The following SORCS1 variants were observed in gnomAD, a reference collection of about 807,000 sequenced individuals.
The protein encoded by SORCS1 is VPS10 domain-containing receptor SorCS1.
Under a neutral mutation model 146.1 loss-of-function variants are expected in SORCS1, and 60 were observed. The ratio of observed to expected loss-of-function variants is 0.41; its 90% CI spans 0.33 to 0.51. The LOEUF is 0.51. Ranked by LOEUF, SORCS1 falls within the 20% of genes least tolerant of loss-of-function variation. SORCS1 has a pLI of 0.21. For synonymous variants in SORCS1, 637 were observed against 584.0 expected (o/e 1.09, Z -1.31); for missense variants, 1,352 against 1,487.6 (o/e 0.91, Z 1.50).
At chr10:106,640,664 A>C (rs1181226153) in intron 18 of SORCS1, among the ~76,000 whole-genome samples, 1 of 152,266 alleles carries the variant, frequency 6.6e-6, no homozygotes, top group East Asian at 1.9e-4. Context: ...CTGTGCCTTC[A>C]GGTTCTTGCA....
intron 2 of SORCS1, among the ~76,000 whole-genome samples, chr10:106,886,262 C>G (rs569956667): frequency 2.0e-5 from 3 of 152,096 alleles, no homozygotes; most frequent in Admixed American, 1.3e-4. Context: ...GACTCTGTTT[C>G]AAAACAACAA....
intron 1 of SORCS1, among the ~76,000 whole-genome samples, chr10:107,025,529 T>G (rs1291767880): frequency 6.6e-6 from 1 of 152,224 alleles, no homozygotes; most frequent in Non-Finnish European, 1.5e-5. Flanking sequence ...TGTTTCATGA[T>G]GTTTAGTGTA....
intron 22 of SORCS1, among the ~76,000 whole-genome samples, chr10:106,608,495 C>T (rs1172586887): frequency 1.3e-5 from 2 of 152,144 alleles, no homozygotes; most frequent in Non-Finnish European, 2.9e-5. Flanking sequence ...AGGTCCTCAC[C>T]TAATGTTATA....
At chr10:107,047,157 T>C (rs188227410) in intron 1 of SORCS1, among the ~76,000 whole-genome samples, 1 of 151,904 alleles carries the variant, frequency 6.6e-6, no homozygotes, top group Non-Finnish European at 1.5e-5. Flanking sequence ...CCTGGCTACT[T>C]TTCGTATTTT....
intron 3 of SORCS1, among the ~76,000 whole-genome samples, chr10:106,808,981 A>G (rs908942371): frequency 2.0e-5 from 3 of 152,104 alleles, no homozygotes; most frequent in African/African-American, 7.2e-5. Context: ...AATAACTTCA[A>G]TGTATAAGCC....
chr10:106,634,237 C>T (rs542424075), intron 18 of SORCS1, among the ~76,000 whole-genome samples: 10 of 152,220 alleles, frequency 6.6e-5, no homozygotes, highest in African/African-American at 1.9e-4. Context: ...TCAACTCCGG[C>T]GGGGCTAGGA....
intron 3 of SORCS1, among the ~76,000 whole-genome samples, chr10:106,785,154 C>G (rs1274503334): frequency 1.3e-5 from 2 of 152,286 alleles, no homozygotes; most frequent in East Asian, 3.9e-4. Context: ...TCTCTCTGAG[C>G]TCTCCTTATC....
At chr10:107,087,827 C>G (rs1002577432) in intron 1 of SORCS1, among the ~76,000 whole-genome samples, 1 of 152,248 alleles carries the variant, frequency 6.6e-6, no homozygotes, top group African/African-American at 2.4e-5. Context: ...AGAAATCTTC[C>G]CATAGCTCCT....
chr10:106,765,238 T>A (rs567367084), intron 4 of SORCS1, among the ~76,000 whole-genome samples: 1 of 152,132 alleles, frequency 6.6e-6, no homozygotes, highest in Non-Finnish European at 1.5e-5. Context: ...TACAACTTAA[T>A]GAGCACAAAC....
intron 17 of SORCS1, chr10:106,667,450 T>C (rs187486418): frequency 1.7e-5 from 8 of 477,770 alleles, no homozygotes; most frequent in Middle Eastern, 5.6e-4. Flanking sequence ...AATATCATCA[T>C]TGTGATCTTC....
intron 13 of SORCS1, among the ~76,000 whole-genome samples, chr10:106,675,585 A>AGT (rs991649795): frequency 2.0e-5 from 3 of 152,200 alleles, no homozygotes; most frequent in African/African-American, 7.2e-5. Context: ...CCAAGTCCTC[A>AGT]GTGTGTCCTT....
chr10:106,999,341 A>G (rs1252349445), intron 1 of SORCS1, among the ~76,000 whole-genome samples: 1 of 152,154 alleles, frequency 6.6e-6, no homozygotes, highest in Non-Finnish European at 1.5e-5. Flanking sequence ...TGAAGTCTGT[A>G]TTTCACATGG....
At chr10:106,830,697 A>G (rs1016890953) in intron 2 of SORCS1, among the ~76,000 whole-genome samples, 1 of 151,710 alleles carries the variant, frequency 6.6e-6, no homozygotes, top group Admixed American at 6.6e-5. Context: ...GGAATTCGAG[A>G]CAAGCCTGGC....
Position 106,857,208 on chromosome 10 carries a change from C to T in SORCS1, c.627-27535G>A, listed in dbSNP as rs1003189820. 5.3e-5 allele frequency among the ~76,000 whole-genome samples: 8 copies of T among 152,172 alleles called. 1 individual carries two copies. Among genetic ancestry groups the T allele is most frequent in the Admixed American group, 3.9e-4 (6 of 15,272 alleles). On this transcript the variant is annotated intron_variant, in intron 2 of 25. Transcript: ENST00000263054. ...AGGGTGAATGAATGCCTAATGGGCA[C>T]GTACTGAACCAGGGATGAGCCAAGC...
intron 18 of SORCS1, among the ~76,000 whole-genome samples, chr10:106,630,301 A>T (rs10748920): frequency 6.6e-6 from 1 of 152,070 alleles, no homozygotes. Context: ...TCAAGCTATC[A>T]AAATGATCTC....
At chr10:106,622,435 A>T (rs1018263276) in intron 19 of SORCS1, among the ~76,000 whole-genome samples, 2 of 152,282 alleles carry the variant, frequency 1.3e-5, no homozygotes, top group African/African-American at 4.8e-5. Context: ...TTATCTTCAT[A>T]CACAAAGACT....
At chr10:106,921,925 T>A (rs1421906137) in intron 2 of SORCS1, among the ~76,000 whole-genome samples, 1 of 152,174 alleles carries the variant, frequency 6.6e-6, no homozygotes, top group African/African-American at 2.4e-5. Flanking sequence ...CTTATTCCCA[T>A]AAGGGAAATC....
At chr10:106,582,461 G>A (rs77003830) in intron 24 of SORCS1, among the ~76,000 whole-genome samples, 1 of 152,122 alleles carries the variant, frequency 6.6e-6, no homozygotes, top group African/African-American at 2.4e-5. Context: ...TTCCGTGGGT[G>A]GTGTCTGCTT....
intron 2 of SORCS1, among the ~76,000 whole-genome samples, chr10:106,880,826 C>T (rs1159128106): frequency 2.6e-5 from 4 of 151,964 alleles, no homozygotes; most frequent in African/African-American, 7.2e-5. Context: ...CGGTGGCTCA[C>T]GCCTGTAATC....
Sources: allele counts gnomAD v4.1 joint callset (sites outside exome capture counted in the v4.1 genomes callset), GRCh38; gene constraint gnomAD v4.1.1; transcripts MANE v1.5; gene names NCBI Gene and HGNC (gene_info 2026-07-23, HGNC 2026-07-21).